COLEC10: variants seen among roughly 807,000 people sequenced by gnomAD.
COLEC10 encodes the protein collectin subfamily member 10.
A neutral mutation model predicts 28.4 loss-of-function variants in COLEC10; 22 were observed. The ratio of observed to expected loss-of-function variants is 0.78; its 90% CI spans 0.55 to 1.11. The LOEUF is 1.11. Ranked by LOEUF, COLEC10 falls within the 50% of genes least tolerant of loss-of-function variation. COLEC10 has a pLI of 0.00. For missense variants in COLEC10, 361 were observed against 344.1 expected, an observed-to-expected ratio of 1.05 and a Z score of -0.39; for synonymous variants, 125 against 116.1, an observed-to-expected ratio of 1.08 and a Z score of -0.49.
chr8:119,054,809 C>A (rs115047975), intron 2 of COLEC10, among the ~76,000 whole-genome samples: 1,659 of 152,020 alleles, frequency 0.011, 35 homozygotes, highest in African/African-American at 0.038. Flanking sequence ...CTTTTGAATC[C>A]TTTCACATAA....
rs1815980453 is a variant in COLEC10 at position 119,107,801 on chromosome 8, CT to C, written c.*1611del. On this transcript the variant is annotated 3_prime_UTR_variant, in exon 6 of 6. Coordinates refer to ENST00000332843, the MANE Select transcript of COLEC10 (RefSeq NM_006438.5). ...GGAGGACCCAATCTTGCTAAATGTG[CT>C]GATATTTCAAGAGAAGTCAGAAAGC... Among the ~76,000 whole-genome samples the C allele has an allele frequency of 2.0e-5, 3 of 152,092 alleles. No homozygotes were observed. The highest frequency in any genetic ancestry group is 2.0e-4 in the Admixed American group (3 of 15,262).
At chr8:119,041,586 G>A (rs1814494901) in intron 2 of COLEC10, among the ~76,000 whole-genome samples, 1 of 152,040 alleles carries the variant, frequency 6.6e-6, no homozygotes, top group African/African-American at 2.4e-5. Context: ...ACCTCATTTT[G>A]TGTGCTTATG....
upstream of COLEC10, among the ~76,000 whole-genome samples, chr8:118,991,375 T>C (rs1244419618): frequency 2.6e-5 from 4 of 152,106 alleles, no homozygotes; most frequent in African/African-American, 9.7e-5. Context: ...GACCAGGAAA[T>C]TTCTCACAAT....
chr8:119,102,510 A>C (rs1169158644), intron 4 of COLEC10, 109 bp downstream of exon 4: 1 of 908,662 alleles, frequency 1.1e-6, no homozygotes, highest in Non-Finnish European at 1.7e-6. Context: ...AGTATGCTTA[A>C]CCTTATTTTC....
chr8:119,064,638 C>A (rs1290211119), upstream of COLEC10, among the ~76,000 whole-genome samples: 2 of 152,164 alleles, frequency 1.3e-5, no homozygotes, highest in African/African-American at 4.8e-5. Flanking sequence ...TCATTCAATT[C>A]TCAGTATTTT....
intron 1 of COLEC10, among the ~76,000 whole-genome samples, chr8:119,076,091 T>A (rs1815227089): frequency 1.0e-5 from 1 of 96,968 alleles, no homozygotes; most frequent in Non-Finnish European, 2.1e-5. Flanking sequence ...TTTTTTTTTT[T>A]AAGTAGAGAC....
At chr8:118,995,061 A>G (rs1328443877), upstream of COLEC10, among the ~76,000 whole-genome samples, 1 of 152,176 alleles carries the variant, frequency 6.6e-6, no homozygotes, top group Non-Finnish European at 1.5e-5. Context: ...CTTATCTAAT[A>G]ATTAGGTCAC....
intron 2 of COLEC10, among the ~76,000 whole-genome samples, chr8:119,022,341 A>T (rs372624930): frequency 1.3e-5 from 2 of 152,144 alleles, no homozygotes. Context: ...TTGTGCCTCA[A>T]TCCTTTGTTT....
At chr8:119,091,479 C>G (rs189972421) in intron 3 of COLEC10, among the ~76,000 whole-genome samples, 1 of 151,356 alleles carries the variant, frequency 6.6e-6, no homozygotes, top group East Asian at 1.9e-4. Context: ...CGTTTGAGCC[C>G]ATAAGTTTGA....
chr8:119,010,019 A>G (rs552873867), intron 2 of COLEC10, among the ~76,000 whole-genome samples: 2 of 150,954 alleles, frequency 1.3e-5, no homozygotes, highest in Admixed American at 1.3e-4. Flanking sequence ...ACACATCATT[A>G]TTACCCAAAG....
At chr8:119,003,328 T>G (rs1190418771) in intron 1 of COLEC10, among the ~76,000 whole-genome samples, 1 of 152,088 alleles carries the variant, frequency 6.6e-6, no homozygotes, top group African/African-American at 2.4e-5. Flanking sequence ...GAAGTATACT[T>G]TATGCCAAGT....
the COLEC10 span, among the ~76,000 whole-genome samples, chr8:118,971,717 G>A: frequency 6.6e-6 from 1 of 151,950 alleles, no homozygotes; most frequent in Admixed American, 6.6e-5. Flanking sequence ...ACATTGTGAG[G>A]AATATTTAAT....
At chr8:118,985,358 C>A in the COLEC10 span, among the ~76,000 whole-genome samples, 1 of 151,924 alleles carries the variant, frequency 6.6e-6, no homozygotes, top group East Asian at 1.9e-4. Context: ...CATGATTCTG[C>A]GATGATCACT....
chr8:119,075,407 A>G (rs1815207354), intron 1 of COLEC10, among the ~76,000 whole-genome samples: 1 of 152,212 alleles, frequency 6.6e-6, no homozygotes, highest in Admixed American at 6.5e-5. Flanking sequence ...GCTCTTTTAG[A>G]AAAGAATTGT....
intron 2 of COLEC10, among the ~76,000 whole-genome samples, chr8:119,054,715 A>T (rs1814733772): frequency 6.6e-6 from 1 of 152,114 alleles, no homozygotes; most frequent in Non-Finnish European, 1.5e-5. Context: ...ACATGTTTTT[A>T]AAAATGTTTG....
At chr8:119,088,495 G>A (rs527357151) in intron 1 of COLEC10, among the ~76,000 whole-genome samples, 23 of 152,272 alleles carry the variant, frequency 1.5e-4, no homozygotes, top group African/African-American at 5.5e-4. Context: ...ACAATCTCTG[G>A]TCGTGTTTTT....
rs748279749 is a variant in COLEC10 at position 119,089,713 on chromosome 8, A to G, written c.182A>G (p.Glu61Gly). The G allele has an allele frequency of 6.2e-7, 1 of 1,613,810 alleles. No homozygotes were observed. Among genetic ancestry groups the G allele is most frequent in the Non-Finnish European group, 8.5e-7 (1 of 1,179,766 alleles). The stretch of plus-strand genomic sequence containing the variant: ...GGTGAAAAAGGAGATCCAGGAGAAG[A>G]GGGAAAGCATGGCAAAGTGGGACGC... ...DDGEKGDPGEEGKHGKVGRMG... is the reference protein window; with the variant it reads ...DDGEKGDPGEGGKHGKVGRMG... The change falls in exon 2 of 6, where the codon GAG (glutamate) becomes GGG (glycine). Residue 61 changes from glutamate (E) to glycine (G), a missense_variant. Around this residue, in one of 3 missense-constraint regions of COLEC10, gnomAD observed 335 missense variants for 308.5 expected, o/e 1.09. Coordinates refer to ENST00000332843, the MANE Select transcript of COLEC10 (RefSeq NM_006438.5).
At chr8:119,066,303 C>G (rs928001321), upstream of COLEC10, among the ~76,000 whole-genome samples, 2 of 152,072 alleles carry the variant, frequency 1.3e-5, no homozygotes, top group Non-Finnish European at 2.9e-5. Context: ...CTTACTATGC[C>G]CATACTATTT....
At chr8:119,056,211 A>G (rs1028401675) in intron 2 of COLEC10, among the ~76,000 whole-genome samples, 4 of 152,146 alleles carry the variant, frequency 2.6e-5, no homozygotes, top group African/African-American at 9.6e-5. Context: ...GATAATGTCC[A>G]GGGTACCCTT....
Sources: gnomAD v4.1 joint callset for allele counts (sites outside exome capture counted in the v4.1 genomes callset) on GRCh38, gnomAD v4.1.1 for gene constraint, gnomAD v4.1.1 regional missense constraint, MANE v1.5 for transcripts, NCBI Gene and HGNC (gene_info 2026-07-23, HGNC 2026-07-21) for gene names.